The following ZNF536 variants were observed in gnomAD, a reference collection of about 807,000 sequenced individuals.
The protein encoded by ZNF536 is zinc finger protein 536.
ZNF536 carries 13 observed loss-of-function variants against 84.5 expected under a neutral mutation model. The observed-to-expected ratio is 0.15, with a 90% CI of 0.10 to 0.24. The LOEUF is 0.24. ZNF536 is among the 10% of genes least tolerant of loss of function. ZNF536 has a pLI of 1.00. For missense variants in ZNF536, 1,536 were observed against 1,747.5 expected (o/e 0.88, Z 2.16); for synonymous variants, 811 against 742.5 (o/e 1.09, Z -1.50).
chr19:30,303,169 AGGGTCTCCT>A (rs1434553788), intron 2 of ZNF536, among the ~76,000 whole-genome samples: 6 of 152,156 alleles, frequency 3.9e-5, no homozygotes, highest in African/African-American at 1.4e-4. Flanking sequence ...GCTGGTGTCC[AGGGTCTCCT>A]GGGATGGGGA....
intron 1 of ZNF536, among the ~76,000 whole-genome samples, chr19:30,643,515 A>G (rs936997692): frequency 6.6e-6 from 1 of 152,238 alleles, no homozygotes; most frequent in South Asian, 2.1e-4. Flanking sequence ...ACATGTAGTA[A>G]TTAATTTTGT....
intron 1 of ZNF536, among the ~76,000 whole-genome samples, chr19:30,419,090 T>A (rs2050850113): frequency 6.6e-6 from 1 of 152,258 alleles, no homozygotes; most frequent in African/African-American, 2.4e-5. Context: ...TCTTTCTTTA[T>A]TTTCTATGCC....
intron 1 of ZNF536, among the ~76,000 whole-genome samples, chr19:30,428,531 C>CTACTA: frequency 6.6e-6 from 1 of 152,274 alleles, no homozygotes; most frequent in Admixed American, 6.5e-5. Context: ...CAGTGGCCAC[C>CTACTA]CTGTGGGGAC....
At chr19:30,643,859 G>A (rs1200126428) in intron 1 of ZNF536, among the ~76,000 whole-genome samples, 1 of 152,120 alleles carries the variant, frequency 6.6e-6, no homozygotes, top group South Asian at 2.1e-4. Context: ...GAACTCCAGG[G>A]TATTAGAAAA....
At position 30,240,374 on chromosome 19, in the gene ZNF536, GA is replaced by G. The variant is rs11401648; in HGVS notation, c.-190+11713del. Reference sequence around the variant, plus strand: ...GGTGACAGAGCAAGACTCTATCTCAGAAAAAAAAAAAATCCAAGGAACTGGC... The same window carrying G: ...GGTGACAGAGCAAGACTCTATCTCAGAAAAAAAAAAATCCAAGGAACTGGC... On this transcript the variant is annotated intron_variant, in intron 1 of 5. Transcript: ENST00000585628. 6.3e-3 allele frequency among the ~76,000 whole-genome samples: 927 copies of G among 147,104 alleles called. 8 individuals are homozygous for G. Among genetic ancestry groups the G allele is most frequent in the African/African-American group, 0.022 (869 of 40,132 alleles).
chr19:30,643,571 G>C (rs563883723), intron 1 of ZNF536, among the ~76,000 whole-genome samples: 2 of 152,056 alleles, frequency 1.3e-5, no homozygotes. Context: ...GACACATTCC[G>C]GACAGGTACT....
chr19:30,588,064 C>T (rs1417644816), intron 1 of ZNF536, among the ~76,000 whole-genome samples: 1 of 152,236 alleles, frequency 6.6e-6, no homozygotes, highest in African/African-American at 2.4e-5. Flanking sequence ...AGTCTTCATC[C>T]CAGAGCAACA....
intron 2 of ZNF536, among the ~76,000 whole-genome samples, chr19:30,333,288 TCTGAAGGACTGTGGATCCCAGACA>T (rs1448431387): frequency 3.9e-5 from 6 of 152,200 alleles, no homozygotes; most frequent in Non-Finnish European, 7.3e-5. Context: ...CAGCTTCATC[TCTGAAGGACTGTGGATCCCAGACA>T]CAGAGACGTC....
intron 1 of ZNF536, among the ~76,000 whole-genome samples, chr19:30,611,948 G>A (rs892106424): frequency 2.6e-5 from 4 of 152,172 alleles, no homozygotes; most frequent in Non-Finnish European, 5.9e-5. Context: ...CTGGGAGTTA[G>A]GAGTCAAGGC....
At chr19:30,576,512 C>T (rs542993587) in intron 1 of ZNF536, among the ~76,000 whole-genome samples, 1 of 152,316 alleles carries the variant, frequency 6.6e-6, no homozygotes, top group Admixed American at 6.5e-5. Context: ...TTTCTGACCT[C>T]CTGGGGAATT....
chr19:30,438,631 C>A (rs1352554484), intron 1 of ZNF536, among the ~76,000 whole-genome samples: 1 of 152,166 alleles, frequency 6.6e-6, no homozygotes. Context: ...GATAATAAGA[C>A]CTTCCAGCAG....
chr19:30,505,477 A>G (rs986329765), intron 2 of ZNF536, among the ~76,000 whole-genome samples: 7 of 148,714 alleles, frequency 4.7e-5, no homozygotes, highest in Non-Finnish European at 8.9e-5. Context: ...AATAATCTAT[A>G]TTATTAATCT....
intron 1 of ZNF536, among the ~76,000 whole-genome samples, chr19:30,652,136 A>G (rs2049731158): frequency 6.6e-6 from 1 of 152,224 alleles, no homozygotes; most frequent in African/African-American, 2.4e-5. Flanking sequence ...TAAAGTAATG[A>G]TCCACAAACT....
intron 2 of ZNF536, among the ~76,000 whole-genome samples, chr19:30,527,645 C>T (rs995855906): frequency 4.6e-5 from 7 of 150,976 alleles, no homozygotes; most frequent in African/African-American, 1.7e-4. Context: ...GTTATGTCTT[C>T]TAAGAGTTAG....
chr19:30,265,728 C>T (rs2025476108), intron 1 of ZNF536, among the ~76,000 whole-genome samples: 1 of 152,122 alleles, frequency 6.6e-6, no homozygotes, highest in African/African-American at 2.4e-5. Flanking sequence ...CAGCTGGTAT[C>T]ACCTTGTCAT....
At chr19:30,510,756 A>G (rs2055377245) in intron 2 of ZNF536, among the ~76,000 whole-genome samples, 1 of 152,210 alleles carries the variant, frequency 6.6e-6, no homozygotes, top group African/African-American at 2.4e-5. Context: ...GGAGAAGGAT[A>G]TGTTCCCACT....
At chr19:30,605,091 C>T (rs1239127718) in intron 1 of ZNF536, among the ~76,000 whole-genome samples, 1 of 152,204 alleles carries the variant, frequency 6.6e-6, no homozygotes, top group East Asian at 1.9e-4. Context: ...AAAACTCAGT[C>T]TCCGCTGGAG....
chr19:30,396,895 G>T (rs8102641), intron 1 of ZNF536, among the ~76,000 whole-genome samples: 59,135 of 151,922 alleles, frequency 0.39, 11,973 homozygotes, highest in Middle Eastern at 0.55. Flanking sequence ...GTGAACCACC[G>T]TGCCCAGCCA....
chr19:30,428,451 GC>G (rs1442792561), intron 1 of ZNF536, among the ~76,000 whole-genome samples: 1 of 152,200 alleles, frequency 6.6e-6, no homozygotes, highest in East Asian at 1.9e-4. Context: ...CCTTCTTGAA[GC>G]AGCAGCGAGT....
Sources: gnomAD v4.1 joint callset for allele counts (sites outside exome capture counted in the v4.1 genomes callset) on GRCh38, gnomAD v4.1.1 for gene constraint, MANE v1.5 for transcripts, NCBI Gene and HGNC (gene_info 2026-07-23, HGNC 2026-07-21) for gene names.